CRYL1: variants seen among roughly 807,000 people sequenced by gnomAD.
CRYL1 encodes the protein crystallin lambda 1.
In CRYL1, 29 loss-of-function variants were observed where a neutral mutation model predicts 36.6. That is an observed-to-expected ratio of 0.79 (90% CI 0.59 to 1.08). The LOEUF is 1.08. Among genes scored for constraint, CRYL1 ranks in the 50% least tolerant of loss-of-function variants. The pLI is 0.00. For synonymous variants in CRYL1, 152 were observed against 151.5 expected (o/e 1.00, Z -0.02); for missense variants, 411 against 407.9 (o/e 1.01, Z -0.06).
chr13:20,505,851 G>C (rs1474779670), intron 2 of CRYL1, among the ~76,000 whole-genome samples: 1 of 152,164 alleles, frequency 6.6e-6, no homozygotes, highest in Non-Finnish European at 1.5e-5. Context: ...ATGTGGTCAG[G>C]GACATTTTAA....
Position 20,489,368 on chromosome 13 carries a change from A to G in CRYL1, c.276+2T>C, listed in dbSNP as rs1180033592. ...GATGCGGCGCCAGTGTCCTTCACTC[A>G]CCTGAATGTGCATGGCACCCTCTAC... On this transcript the variant is annotated splice_donor_variant, in intron 3 of 7. Transcript: ENST00000298248. LOFTEE classifies it high-confidence loss of function. 1 of 1,612,948 alleles carries G rather than the reference A, an allele frequency of 6.2e-7. No individual in the cohort carries two copies. Among genetic ancestry groups the G allele is most frequent in the African/African-American group, 1.3e-5 (1 of 74,884 alleles).
chr13:20,460,575 G>A (rs1331525659), intron 3 of CRYL1, among the ~76,000 whole-genome samples: 8 of 140,034 alleles, frequency 5.7e-5, no homozygotes, highest in Non-Finnish European at 3.0e-5. Flanking sequence ...GCCCAGGCTG[G>A]AGTGCAGTGG....
intron 5 of CRYL1, among the ~76,000 whole-genome samples, chr13:20,429,716 G>T (rs191488027): frequency 6.6e-6 from 1 of 152,168 alleles, no homozygotes; most frequent in East Asian, 1.9e-4. Flanking sequence ...ATGCTCAGGT[G>T]TGCATGTCAG....
intron 3 of CRYL1, among the ~76,000 whole-genome samples, chr13:20,456,754 C>A (rs1267931837): frequency 6.6e-6 from 1 of 152,020 alleles, no homozygotes; most frequent in Non-Finnish European, 1.5e-5. Context: ...CACGACCTGC[C>A]CACCCCCCAC....
At position 20,525,122 on chromosome 13, in the gene CRYL1, A is replaced by G. The variant is rs924560780; in HGVS notation, c.41+632T>C. Among the ~76,000 whole-genome samples, 2 of 152,122 alleles carry G rather than the reference A, an allele frequency of 1.3e-5. No homozygotes were observed. The highest frequency in any genetic ancestry group is 1.3e-4 in the Admixed American group (2 of 15,278). Reference sequence around the variant, plus strand: ...AAGCTGTTAAATGGACACACTTAGCAAACTCTCTGGGCTCCATCGGCCCCC... The same window carrying G: ...AAGCTGTTAAATGGACACACTTAGCGAACTCTCTGGGCTCCATCGGCCCCC... On this transcript the variant is annotated intron_variant, in intron 1 of 7. Transcript: ENST00000298248. The surrounding 1 kb of genome is among the most constrained non-coding windows in gnomAD (Gnocchi z 4.3).
At chr13:20,412,888 C>G (rs2031559145) in intron 6 of CRYL1, among the ~76,000 whole-genome samples, 1 of 152,184 alleles carries the variant, frequency 6.6e-6, no homozygotes, top group South Asian at 2.1e-4. Flanking sequence ...AGATATCCAG[C>G]AGAGGTCCCT....
intron 6 of CRYL1, among the ~76,000 whole-genome samples, chr13:20,408,611 T>G (rs150397672): frequency 7.2e-5 from 11 of 152,312 alleles, no homozygotes; most frequent in African/African-American, 1.7e-4. Context: ...ATCCTAATCT[T>G]GTGATTTTTG....
chr13:20,490,665 G>T (rs190361315), intron 2 of CRYL1, among the ~76,000 whole-genome samples: 14 of 151,740 alleles, frequency 9.2e-5, no homozygotes, highest in African/African-American at 2.4e-4. Flanking sequence ...GGGATGGGGT[G>T]GGGGGGCATG....
chr13:20,438,056 C>T (rs991254687), intron 4 of CRYL1, among the ~76,000 whole-genome samples: 1 of 152,178 alleles, frequency 6.6e-6, no homozygotes, highest in Non-Finnish European at 1.5e-5. Context: ...TAATCTCACT[C>T]GTAATTGAGT....
chr13:20,493,336 C>T (rs753654876), intron 2 of CRYL1, among the ~76,000 whole-genome samples: 2 of 152,204 alleles, frequency 1.3e-5, no homozygotes, highest in Non-Finnish European at 2.9e-5. Flanking sequence ...CCAAGGGAAG[C>T]CTGAGCCCTA....
chr13:20,499,995 A>T (rs927136561), intron 2 of CRYL1, among the ~76,000 whole-genome samples: 2 of 152,120 alleles, frequency 1.3e-5, no homozygotes, highest in Non-Finnish European at 2.9e-5. Context: ...CATGAAAAGG[A>T]CTCTTGAATA....
chr13:20,442,138 G>C (rs60475676), intron 3 of CRYL1, among the ~76,000 whole-genome samples: 1 of 152,152 alleles, frequency 6.6e-6, no homozygotes, highest in Non-Finnish European at 1.5e-5. Context: ...GCTAATAAAA[G>C]AGTCTCCATG....
At chr13:20,430,826 T>C (rs973459888) in intron 5 of CRYL1, 159 of 985,268 alleles carry the variant, frequency 1.6e-4, no homozygotes, top group Non-Finnish European at 1.9e-4. Context: ...TTGTTCCCCT[T>C]TTCTAGACAA....
At chr13:20,446,405 C>T (rs2032456968) in intron 3 of CRYL1, among the ~76,000 whole-genome samples, 1 of 152,190 alleles carries the variant, frequency 6.6e-6, no homozygotes, top group South Asian at 2.1e-4. Flanking sequence ...AGCCACTGCA[C>T]CTGGCTAAAA....
In CRYL1 at chr13:20,483,733, G is replaced by A. The variant is rs150359678; in HGVS notation, c.276+5637C>T. 7.7e-3 allele frequency among the ~76,000 whole-genome samples: 1,170 copies of A among 152,136 alleles called. 6 individuals are homozygous for A. Among genetic ancestry groups the A allele is most frequent in the East Asian group, 0.036 (186 of 5,164 alleles). The stretch of plus-strand genomic sequence containing the variant: ...TTTTTGTATTTTTGGTAGAGACGGG[G>A]TTTCACCATGTTGCTCAGGTTGGTC... On this transcript the variant is annotated intron_variant, in intron 3 of 7. Coordinates refer to ENST00000298248, the MANE Select transcript of CRYL1 (RefSeq NM_015974.3).
rs1289655469 is a variant in CRYL1, at chr13:20,415,917, C to T, written c.634-2530G>A. ...TTCACCTGCGTCATGTGTCCATCTC[C>T]TTGATGCAGAGATATGAGTTTAGTC... On this transcript the variant is annotated intron_variant, in intron 5 of 7. Coordinates refer to ENST00000298248, the MANE Select transcript of CRYL1 (RefSeq NM_015974.3). This position sits in a 1 kb window ranked among gnomAD's most constrained non-coding sequence, Gnocchi z 4.1. Among the ~76,000 whole-genome samples the T allele has an allele frequency of 1.3e-5, 2 of 152,330 alleles. No individual in the cohort carries two copies. Among genetic ancestry groups the T allele is most frequent in the African/African-American group, 2.4e-5 (1 of 41,582 alleles).
chr13:20,430,847 T>C, intron 5 of CRYL1: 1 of 985,142 alleles, frequency 1.0e-6, no homozygotes, highest in Non-Finnish European at 1.2e-6. Context: ...ATGGAAATAT[T>C]TTAAATAAAT....
chr13:20,430,220 AAGGTAATTC>A (rs1438030129), intron 5 of CRYL1: 1 of 984,404 alleles, frequency 1.0e-6, no homozygotes, highest in Admixed American at 6.1e-5. Flanking sequence ...GACTTTCACC[AAGGTAATTC>A]TTTGGGTTTT....
At chr13:20,410,452 G>GC (rs1356180245) in intron 6 of CRYL1, among the ~76,000 whole-genome samples, 1 of 150,980 alleles carries the variant, frequency 6.6e-6, no homozygotes, top group Non-Finnish European at 1.5e-5. Context: ...GTTAGTGGGT[G>GC]CAGCGCACCA....
Sources: allele counts gnomAD v4.1 joint callset (sites outside exome capture counted in the v4.1 genomes callset), GRCh38; gene constraint gnomAD v4.1.1; non-coding constraint Gnocchi (gnomAD v3.1); transcripts MANE v1.5; gene names NCBI Gene and HGNC (gene_info 2026-07-23, HGNC 2026-07-21).